The following ADAMTSL1 variants were observed in gnomAD, a reference collection of about 807,000 sequenced individuals.
ADAMTSL1 encodes the protein ADAMTS like 1.
Under a neutral mutation model 201.8 loss-of-function variants are expected in ADAMTSL1, and 126 were observed. The ratio of observed to expected loss-of-function variants is 0.62; its 90% CI spans 0.54 to 0.72. The LOEUF is 0.72. ADAMTSL1 is among the 30% of genes least tolerant of loss of function. ADAMTSL1 has a pLI of 0.00. For synonymous variants in ADAMTSL1, 1,121 were observed against 903.4 expected, an observed-to-expected ratio of 1.24 and a Z score of -4.32; for missense variants, 2,679 against 2,277.8, an observed-to-expected ratio of 1.18 and a Z score of -3.59.
intron 2 of ADAMTSL1, among the ~76,000 whole-genome samples, chr9:18,457,784 C>G (rs960187091): frequency 2.0e-5 from 3 of 152,170 alleles, no homozygotes; most frequent in African/African-American, 7.2e-5. Context: ...CTTTTCCTTT[C>G]CCCTAAGGAT....
chr9:18,655,960 C>G lies in ADAMTSL1; in HGVS notation c.835-1679C>G, dbSNP rs182241970. On this transcript the variant is annotated intron_variant, in intron 7 of 28. Transcript: ENST00000380548. ...CAGTGCTCTTTTTTTGTGAAAGACA[C>G]TGCATTGCTTCAGCTGTTTTTCTTT... Among the ~76,000 whole-genome samples the G allele has an allele frequency of 6.3e-3, 963 of 151,872 alleles. 10 individuals are homozygous for G. Among genetic ancestry groups the G allele is most frequent in the Non-Finnish European group, 9.8e-3 (668 of 67,972 alleles).
At chr9:18,659,100 T>C (rs1828897561) in intron 8 of ADAMTSL1, among the ~76,000 whole-genome samples, 1 of 152,230 alleles carries the variant, frequency 6.6e-6, no homozygotes, top group Non-Finnish European at 1.5e-5. Flanking sequence ...TCAAATAAAT[T>C]CTAGCTCTAG....
chr9:18,463,146 G>A (rs1377464447), intron 2 of ADAMTSL1, among the ~76,000 whole-genome samples: 1 of 151,964 alleles, frequency 6.6e-6, no homozygotes, highest in Non-Finnish European at 1.5e-5. Context: ...TTTGAGTGAG[G>A]ATGGCATTGT....
At chr9:18,615,509 A>G (rs954311247) in intron 4 of ADAMTSL1, among the ~76,000 whole-genome samples, 1 of 152,226 alleles carries the variant, frequency 6.6e-6, no homozygotes, top group Non-Finnish European at 1.5e-5. Context: ...CTATTGCCAT[A>G]TAAATATTGT....
intron 2 of ADAMTSL1, among the ~76,000 whole-genome samples, chr9:18,211,012 C>G (rs1829850957): frequency 6.6e-6 from 1 of 151,562 alleles, no homozygotes; most frequent in Admixed American, 6.6e-5. Context: ...CAAGGTGGGT[C>G]TGAGGAAGTG....
Position 18,775,894 on chromosome 9 carries a change from CAAGT to C in ADAMTSL1, c.2551+4_2551+7del, listed in dbSNP as rs771736821. Reference sequence around the variant, plus strand: ...AGGCCCTGTATGCTGGCAACCTGTGCAAGTAAGTATGTCAGGGCTCTGGGAATGG... The same window carrying C: ...AGGCCCTGTATGCTGGCAACCTGTGCAAGTATGTCAGGGCTCTGGGAATGG... On this transcript the variant is annotated splice_donor_variant and coding_sequence_variant, in exon 18 of 29. Coordinates refer to ENST00000380548, the MANE Select transcript of ADAMTSL1 (RefSeq NM_001040272.6). LOFTEE classifies it high-confidence loss of function. 1.3e-6 allele frequency: 2 copies of C among 1,591,316 alleles called. No individual in the cohort carries two copies.
intron 7 of ADAMTSL1, among the ~76,000 whole-genome samples, chr9:18,640,140 G>C (rs1827350404): frequency 6.6e-6 from 1 of 152,136 alleles, no homozygotes; most frequent in Admixed American, 6.6e-5. Context: ...CCCCATGGCA[G>C]CTGGAAGTAA....
At chr9:18,090,254 A>C (rs1823949526) in intron 1 of ADAMTSL1, among the ~76,000 whole-genome samples, 1 of 152,212 alleles carries the variant, frequency 6.6e-6, no homozygotes, top group Non-Finnish European at 1.5e-5. Context: ...CTAGGTATAA[A>C]CACAAAAGAA....
Position 18,790,673 on chromosome 9 carries a change from C to T in ADAMTSL1, c.3678-4724C>T, listed in dbSNP as rs140469860. ...ACTAAAACAATTTCTTGCACCCTCT[C>T]GGCTGGTCCTTAATTTGTAGCATGC... On this transcript the variant is annotated intron_variant, in intron 19 of 28. Coordinates refer to ENST00000380548, the MANE Select transcript of ADAMTSL1 (RefSeq NM_001040272.6). 2.8e-3 allele frequency among the ~76,000 whole-genome samples: 428 copies of T among 152,222 alleles called. 2 individuals are homozygous for T. Among genetic ancestry groups the T allele is most frequent in the South Asian group, 9.2e-3 (44 of 4,804 alleles).
In ADAMTSL1 at chr9:18,264,667, A is replaced by G. The variant is rs1490199838; in HGVS notation, c.207+100686A>G. On this transcript the variant is annotated intron_variant, in intron 2 of 29. Coordinates refer to the ADAMTSL1 transcript ENST00000680146. ...ATGCCACAGGGAATTTCCACTTCCA[A>G]TTTAAGGACTTAATGTTTATTACAG... 3.9e-5 allele frequency among the ~76,000 whole-genome samples: 6 copies of G among 152,216 alleles called. No homozygotes were observed. In the East Asian group the frequency reaches 7.7e-4, roughly 20 times the overall value.
intron 1 of ADAMTSL1, among the ~76,000 whole-genome samples, chr9:17,933,006 C>T (rs573663074): frequency 1.2e-4 from 18 of 152,186 alleles, no homozygotes; most frequent in East Asian, 5.8e-4. Context: ...TACAAAGTGC[C>T]CAGCCTGGCA....
chr9:18,667,313 A>G (rs1016854369), intron 9 of ADAMTSL1, among the ~76,000 whole-genome samples: 1 of 152,012 alleles, frequency 6.6e-6, no homozygotes, highest in Non-Finnish European at 1.5e-5. Context: ...TTCTAATGCA[A>G]CTATGAAGAA....
chr9:18,023,300 G>A (rs887377615), intron 1 of ADAMTSL1, among the ~76,000 whole-genome samples: 1 of 152,244 alleles, frequency 6.6e-6, no homozygotes, highest in African/African-American at 2.4e-5. Context: ...TGGTGCTCAA[G>A]AATTTGCATT....
chr9:18,513,465 T>C (rs989891527), intron 2 of ADAMTSL1, among the ~76,000 whole-genome samples: 4 of 152,224 alleles, frequency 2.6e-5, no homozygotes, highest in Admixed American at 1.3e-4. Flanking sequence ...TCATTGTTGT[T>C]CTTTCCCTTG....
Position 17,982,737 on chromosome 9 carries a change from G to T in ADAMTSL1, c.87+75815G>T, listed in dbSNP as rs138961823. Among the ~76,000 whole-genome samples the T allele has an allele frequency of 1.4e-3, 212 of 152,202 alleles. 1 individual carries two copies. Among genetic ancestry groups the T allele is most frequent in the African/African-American group, 4.5e-3 (185 of 41,530 alleles). ...TCAGTTAATGTGTAACACTGGGAGA[G>T]AATAAAATATTAAAGGGAATCACCT... On this transcript the variant is annotated intron_variant, in intron 1 of 29. Transcript: ENST00000680146.
At chr9:18,099,934 A>T (rs1824444498) in intron 1 of ADAMTSL1, among the ~76,000 whole-genome samples, 1 of 151,668 alleles carries the variant, frequency 6.6e-6, no homozygotes, top group African/African-American at 2.4e-5. Context: ...CCCTTTTTCA[A>T]AGTTTCCTCC....
At chr9:18,213,534 A>G (rs146444349) in intron 2 of ADAMTSL1, among the ~76,000 whole-genome samples, 3,962 of 152,346 alleles carry the variant, frequency 0.026, 85 homozygotes, top group Middle Eastern at 0.044. Flanking sequence ...TAGTGAGCTC[A>G]CACTAAAGCA....
intron 2 of ADAMTSL1, among the ~76,000 whole-genome samples, chr9:18,394,096 T>A (rs567473814): frequency 6.6e-6 from 1 of 152,228 alleles, no homozygotes; most frequent in Non-Finnish European, 1.5e-5. Flanking sequence ...CATAAGATGA[T>A]GGTTACGCAG....
At chr9:18,905,455 A>T (rs750814662) in intron 26 of ADAMTSL1, 13 of 303,602 alleles carry the variant, frequency 4.3e-5, no homozygotes, top group Non-Finnish European at 4.4e-5. Context: ...TTCAGTTCTA[A>T]AGTCTACTGC....
Sources: allele counts gnomAD v4.1 joint callset (sites outside exome capture counted in the v4.1 genomes callset), GRCh38; gene constraint gnomAD v4.1.1; transcripts MANE v1.5; gene names NCBI Gene and HGNC (gene_info 2026-07-23, HGNC 2026-07-21).